Variants in NR3C2 observed in about 807,000 individuals in gnomAD.
The protein encoded by NR3C2 is mineralocorticoid receptor.
A neutral mutation model predicts 86.4 loss-of-function variants in NR3C2; 15 were observed. The observed-to-expected ratio is 0.17, with a 90% CI of 0.12 to 0.27. NR3C2 has a LOEUF of 0.27. NR3C2 is among the 10% of genes least tolerant of loss of function. The pLI is 1.00. For missense variants in NR3C2, 960 were observed against 1,195.6 expected, an observed-to-expected ratio of 0.80 and a Z score of 2.91; for synonymous variants, 458 against 450.5, an observed-to-expected ratio of 1.02 and a Z score of -0.21.
At position 148,336,661 on chromosome 4, in the gene NR3C2, AACAG is replaced by A. The variant is rs532052458; in HGVS notation, c.1758-76548_1758-76545del. Among the ~76,000 whole-genome samples the A allele has an allele frequency of 4.0e-3, 611 of 152,108 alleles. 1 individual carries two copies. Among genetic ancestry groups the A allele is most frequent in the African/African-American group, 0.014 (582 of 41,398 alleles). ...AACATCCCTCTCCCTAACCTGACAG[AACAG>A]AGTTTTCTAGATTTTGGATGAAAGC... On this transcript the variant is annotated intron_variant, in intron 2 of 8. Transcript: ENST00000358102.
At chr4:148,096,492 A>C (rs765651726) in intron 8 of NR3C2, among the ~76,000 whole-genome samples, 28 of 152,100 alleles carry the variant, frequency 1.8e-4, no homozygotes, top group Admixed American at 5.9e-4. Flanking sequence ...TAAGGGGCAG[A>C]CCCTAGTGGC....
At chr4:148,402,469 G>A (rs1311541500) in intron 2 of NR3C2, among the ~76,000 whole-genome samples, 1 of 152,186 alleles carries the variant, frequency 6.6e-6, no homozygotes, top group African/African-American at 2.4e-5. Context: ...CAGGTTTACT[G>A]TAAGACATAA....
intron 3 of NR3C2, among the ~76,000 whole-genome samples, chr4:148,256,230 G>A (rs2149867050): frequency 6.6e-6 from 1 of 152,280 alleles, no homozygotes; most frequent in Non-Finnish European, 1.5e-5. Flanking sequence ...AGAACTGCTA[G>A]TTTAGAAGGA....
chr4:148,280,612 T>C (rs528316353), intron 2 of NR3C2, among the ~76,000 whole-genome samples: 59 of 152,070 alleles, frequency 3.9e-4, no homozygotes, highest in Non-Finnish European at 7.8e-4. Flanking sequence ...AATCCTCCCA[T>C]CTCAGCCTCC....
intron 2 of NR3C2, among the ~76,000 whole-genome samples, chr4:148,434,237 A>G (rs573689419): frequency 6.6e-5 from 10 of 152,154 alleles, no homozygotes; most frequent in Non-Finnish European, 4.4e-5. Context: ...TGTAATAAAA[A>G]CAGTACTGAA....
At chr4:148,334,268 C>T (rs577500988) in intron 2 of NR3C2, among the ~76,000 whole-genome samples, 161 of 152,272 alleles carry the variant, frequency 1.1e-3, no homozygotes, top group Middle Eastern at 3.4e-3. Context: ...ATGGACCAGG[C>T]GCGGTGGCTC....
intron 8 of NR3C2, among the ~76,000 whole-genome samples, chr4:148,101,316 C>T (rs940502104): frequency 6.6e-6 from 1 of 152,132 alleles, no homozygotes; most frequent in Non-Finnish European, 1.5e-5. Context: ...TAAAAACCAG[C>T]CGCTGGGAAA....
At chr4:148,191,882 C>G (rs1366483337) in intron 4 of NR3C2, among the ~76,000 whole-genome samples, 1 of 151,762 alleles carries the variant, frequency 6.6e-6, no homozygotes, top group Non-Finnish European at 1.5e-5. Flanking sequence ...ATATTTCTCC[C>G]TTCACTTCTT....
intron 2 of NR3C2, among the ~76,000 whole-genome samples, chr4:148,356,984 T>A (rs544255595): frequency 1.3e-5 from 2 of 151,690 alleles, no homozygotes; most frequent in South Asian, 2.1e-4. Flanking sequence ...TACTACAGAG[T>A]CCTCATAGGA....
chr4:148,399,154 T>C (rs1037545520), intron 2 of NR3C2, among the ~76,000 whole-genome samples: 8 of 152,218 alleles, frequency 5.3e-5, no homozygotes, highest in Non-Finnish European at 1.0e-4. Flanking sequence ...CTTAAAACAG[T>C]GGCCTCTTGC....
intron 4 of NR3C2, among the ~76,000 whole-genome samples, chr4:148,157,374 CTATA>C (rs2149771036): frequency 6.6e-6 from 1 of 152,146 alleles, no homozygotes; most frequent in East Asian, 1.9e-4. Flanking sequence ...TCTAAATGCT[CTATA>C]TAAATTAACT....
chr4:148,373,601 A>G (rs895713916), intron 2 of NR3C2, among the ~76,000 whole-genome samples: 17 of 150,790 alleles, frequency 1.1e-4, no homozygotes, highest in African/African-American at 3.7e-4. Flanking sequence ...CAGCCTTCCA[A>G]GTTGCTGGAG....
intron 2 of NR3C2, among the ~76,000 whole-genome samples, chr4:148,354,706 T>C (rs1417919357): frequency 6.6e-6 from 1 of 152,058 alleles, no homozygotes; most frequent in Non-Finnish European, 1.5e-5. Flanking sequence ...AAATACAGAT[T>C]TTTTCAATGA....
intron 6 of NR3C2, among the ~76,000 whole-genome samples, chr4:148,130,460 G>A (rs563434747): frequency 6.6e-6 from 1 of 152,248 alleles, no homozygotes; most frequent in African/African-American, 2.4e-5. Context: ...ATTTAAGAAG[G>A]AACTACAAAA....
chr4:148,349,900 G>A (rs760766504), intron 2 of NR3C2, among the ~76,000 whole-genome samples: 5 of 152,010 alleles, frequency 3.3e-5, no homozygotes, highest in Non-Finnish European at 7.4e-5. Context: ...AAGGCTGCAG[G>A]AAAACATTTG....
chr4:148,187,057 TA>T (rs1404143032), intron 4 of NR3C2, among the ~76,000 whole-genome samples: 5 of 143,070 alleles, frequency 3.5e-5, no homozygotes, highest in African/African-American at 5.1e-5. Context: ...GAAACTGTGA[TA>T]TATATATATG....
intron 3 of NR3C2, among the ~76,000 whole-genome samples, chr4:148,245,911 C>T (rs900760737): frequency 6.6e-6 from 1 of 152,114 alleles, no homozygotes; most frequent in African/African-American, 2.4e-5. Context: ...TTAATCAAAT[C>T]TTAAGCAGTG....
At chr4:148,366,948 A>G (rs1259796188) in intron 2 of NR3C2, among the ~76,000 whole-genome samples, 2 of 152,184 alleles carry the variant, frequency 1.3e-5, no homozygotes, top group Admixed American at 1.3e-4. Flanking sequence ...CTTCACTCCT[A>G]TGATTTATAA....
chr4:148,084,101 G>C lies in NR3C2; in HGVS notation c.2800-2602C>G, dbSNP rs183165164. ...GAACCAAGTTGGAAAACACTCTTCA[G>C]GATATTATCCAGGAGAACTTCCCCA... On this transcript the variant is annotated intron_variant, in intron 8 of 8. Coordinates refer to ENST00000358102, the MANE Select transcript of NR3C2 (RefSeq NM_000901.5). 6.2e-3 allele frequency among the ~76,000 whole-genome samples: 938 copies of C among 152,278 alleles called. 5 individuals are homozygous for C. Among genetic ancestry groups the C allele is most frequent in the Non-Finnish European group, 9.8e-3 (667 of 68,032 alleles).
Sources: allele counts gnomAD v4.1 joint callset (sites outside exome capture counted in the v4.1 genomes callset), GRCh38; gene constraint gnomAD v4.1.1; transcripts MANE v1.5; gene names NCBI Gene and HGNC (gene_info 2026-07-23, HGNC 2026-07-21).